PIGN: variants seen among roughly 807,000 people sequenced by gnomAD.
PIGN encodes GPI ethanolamine phosphate transferase 1.
In PIGN, 117 loss-of-function variants were observed where a neutral mutation model predicts 125.4. The observed-to-expected ratio is 0.93, with a 90% CI of 0.80 to 1.09. The LOEUF is 1.09. Among genes scored for constraint, PIGN ranks in the 50% least tolerant of loss-of-function variants. The probability of loss-of-function intolerance (pLI) is 0.00; values close to 1 mark genes in which losing one functional copy is unlikely to be tolerated. For synonymous variants in PIGN, 392 were observed against 377.8 expected, an observed-to-expected ratio of 1.04 and a Z score of -0.44; for missense variants, 1,075 against 1,094.9, an observed-to-expected ratio of 0.98 and a Z score of 0.26.
At chr18:62,171,349 C>T (rs2037339380) in intron 1 of PIGN, among the ~76,000 whole-genome samples, 1 of 152,150 alleles carries the variant, frequency 6.6e-6, no homozygotes. Flanking sequence ...CAACACTGAT[C>T]AACTGTTACG....
chr18:62,031,996 T>C (rs919618), intron 23 of PIGN, among the ~76,000 whole-genome samples: 38,302 of 152,020 alleles, frequency 0.25, 5,099 homozygotes, highest in East Asian at 0.42. Flanking sequence ...TGACTCCAGG[T>C]GTTCCTTGGC....
At chr18:62,179,182 T>C (rs190518313) in intron 1 of PIGN, among the ~76,000 whole-genome samples, 6 of 152,310 alleles carry the variant, frequency 3.9e-5, no homozygotes, top group Admixed American at 1.3e-4. Flanking sequence ...ACTGTCAACA[T>C]GACTTACTAA....
chr18:62,047,490 G>A (rs2030826881), intron 30 of PIGN, among the ~76,000 whole-genome samples: 1 of 152,230 alleles, frequency 6.6e-6, no homozygotes, highest in South Asian at 2.1e-4. Flanking sequence ...CATGTTATTA[G>A]TGGAGGTTGC....
chr18:62,065,063 T>C (rs1160110507), intron 30 of PIGN, among the ~76,000 whole-genome samples: 1 of 152,184 alleles, frequency 6.6e-6, no homozygotes, highest in Non-Finnish European at 1.5e-5. Flanking sequence ...AGGCTGATAC[T>C]GATGCAGGAA....
rs1442969284 is a variant in PIGN, at chr18:62,091,481, T to G, written c.2181-903A>C. 4.6e-5 allele frequency among the ~76,000 whole-genome samples: 7 copies of G among 152,224 alleles called. No homozygotes were observed. In the East Asian group the frequency reaches 1.3e-3, roughly 29 times the overall value. ...AAAATATTCATATACTATAATGCAA[T>G]AAGGCCATTTCTAAAAATTTACCCT... On this transcript the variant is annotated intron_variant, in intron 23 of 30. Coordinates refer to ENST00000640252, the MANE Select transcript of PIGN (RefSeq NM_176787.5).
intron 22 of PIGN, among the ~76,000 whole-genome samples, chr18:62,097,986 C>G (rs2034281183): frequency 1.3e-5 from 2 of 152,132 alleles, no homozygotes. Context: ...GGATGAAATC[C>G]CGGCTGAATC....
intron 1 of PIGN, among the ~76,000 whole-genome samples, chr18:62,170,785 T>C (rs890593661): frequency 1.3e-5 from 2 of 152,192 alleles, no homozygotes; most frequent in Admixed American, 6.5e-5. Flanking sequence ...GTTATCCAGT[T>C]TGTAAATGCA....
Position 62,140,444 on chromosome 18 carries a change from T to G in PIGN, c.999A>C (p.Gly333=), listed in dbSNP as rs2147170432. The change falls in exon 12 of 31, where the codon GGA becomes GGC. Residue 333 remains glycine, a synonymous_variant. Coordinates refer to ENST00000640252, the MANE Select transcript of PIGN (RefSeq NM_176787.5). The part of the protein sequence containing the change: ...DIAPLMTSLI[G]VPFPLNSVGI... ...CCACTGAGTTAAGAGGAAAGGGAAC[T>G]CCAATAAGGGAAGTCATCAATGGTG... 6.4e-7 allele frequency: 1 copy of G among 1,551,572 alleles called. No homozygotes were observed. Among genetic ancestry groups the G allele is most frequent in the Non-Finnish European group, 8.8e-7 (1 of 1,134,962 alleles).
intron 30 of PIGN, among the ~76,000 whole-genome samples, chr18:62,049,928 T>C (rs1599395192): frequency 6.7e-6 from 1 of 148,728 alleles, no homozygotes; most frequent in South Asian, 2.2e-4. Flanking sequence ...GGCTAGCCAG[T>C]TTTCCCAGCA....
chr18:62,186,293 C>T (rs1216353877), intron 1 of PIGN: 1 of 152,312 alleles, frequency 6.6e-6, no homozygotes, highest in South Asian at 2.1e-4. Context: ...TCGTGATCCG[C>T]CCGGCTCGGC....
chr18:62,063,925 T>C (rs11874650), intron 30 of PIGN, among the ~76,000 whole-genome samples: 10,971 of 105,880 alleles, frequency 0.1, 1,579 homozygotes, highest in African/African-American at 0.35. Context: ...CTGAGGCCTG[T>C]CATGGGGTGG....
intron 12 of PIGN, among the ~76,000 whole-genome samples, chr18:62,139,735 C>T (rs896111832): frequency 6.6e-6 from 1 of 152,126 alleles, no homozygotes; most frequent in African/African-American, 2.4e-5. Context: ...ACAACCCAGG[C>T]TAGACCATCT....
chr18:62,035,949 T>C (rs1942183326), intron 23 of PIGN, among the ~76,000 whole-genome samples: 1 of 152,194 alleles, frequency 6.6e-6, no homozygotes, highest in Non-Finnish European at 1.5e-5. Context: ...GATTCTACCA[T>C]GGACTCAGTC....
At chr18:62,064,074 T>A (rs2032363333) in intron 30 of PIGN, among the ~76,000 whole-genome samples, 1 of 152,140 alleles carries the variant, frequency 6.6e-6, no homozygotes, top group African/African-American at 2.4e-5. Flanking sequence ...ACTTAAAGCA[T>A]AATAAAACAA....
chr18:62,127,943 C>T (rs1300924150), intron 14 of PIGN, among the ~76,000 whole-genome samples: 1 of 152,036 alleles, frequency 6.6e-6, no homozygotes, highest in Non-Finnish European at 1.5e-5. Context: ...ATACATGGTG[C>T]TATTTTCCCA....
downstream of PIGN, among the ~76,000 whole-genome samples, chr18:62,038,932 A>C (rs2030298140): frequency 4.6e-5 from 1 of 21,676 alleles, no homozygotes; most frequent in Non-Finnish European, 1.1e-4. Context: ...TAATAATAAT[A>C]ATAATAATAA....
chr18:62,127,340 A>G (rs1442876541), intron 14 of PIGN, among the ~76,000 whole-genome samples: 1 of 152,162 alleles, frequency 6.6e-6, no homozygotes, highest in Non-Finnish European at 1.5e-5. Context: ...GTTTGACAAA[A>G]TTATCTAACA....
rs186045145 is a variant in PIGN, at chr18:62,171,114, T to A, written c.-235-7458A>T. ...GAAGAACTGATAACAATATTTAGTC[T>A]CTCTGTCCAGGAATACAGTATAACT... On this transcript the variant is annotated intron_variant, in intron 1 of 30. Coordinates refer to ENST00000640252, the MANE Select transcript of PIGN (RefSeq NM_176787.5). Among the ~76,000 whole-genome samples the A allele has an allele frequency of 8.5e-4, 130 of 152,344 alleles. 4 individuals are homozygous for A. The highest frequency in any genetic ancestry group is 7.6e-3 in the Admixed American group (116 of 15,300).
At chr18:62,127,027 G>A (rs893088896) in intron 14 of PIGN, among the ~76,000 whole-genome samples, 11 of 152,100 alleles carry the variant, frequency 7.2e-5, no homozygotes, top group African/African-American at 2.7e-4. Context: ...TTCTCAAGGA[G>A]GACACTGGGA....
Sources: allele counts gnomAD v4.1 joint callset (sites outside exome capture counted in the v4.1 genomes callset), GRCh38; gene constraint gnomAD v4.1.1; transcripts MANE v1.5; gene names NCBI Gene and HGNC (gene_info 2026-07-23, HGNC 2026-07-21).